Variants in ABCB4 observed in about 807,000 individuals in gnomAD.
The protein encoded by ABCB4 is ATP binding cassette subfamily B member 4.
Under a neutral mutation model 145.7 loss-of-function variants are expected in ABCB4, and 76 were observed. That is an observed-to-expected ratio of 0.52 (90% CI 0.43 to 0.63). The LOEUF (loss-of-function observed/expected upper bound fraction) is 0.63, where lower values mean the gene tolerates loss of function less well. ABCB4 is among the 30% of genes least tolerant of loss of function. The probability of loss-of-function intolerance (pLI) is 0.00; values close to 1 mark genes in which losing one functional copy is unlikely to be tolerated. For missense variants in ABCB4, 1,234 were observed against 1,553.1 expected (o/e 0.79, Z 3.45); for synonymous variants, 517 against 566.8 (o/e 0.91, Z 1.25).
chr7:87,413,945 G>A (rs1808798760), intron 21 of ABCB4, among the ~76,000 whole-genome samples: 1 of 152,194 alleles, frequency 6.6e-6, no homozygotes, highest in African/African-American at 2.4e-5. Context: ...GCTCAGGAAG[G>A]CTGATCAGCT....
At chr7:87,463,544 G>A (rs944424274) in intron 3 of ABCB4, among the ~76,000 whole-genome samples, 1 of 152,194 alleles carries the variant, frequency 6.6e-6, no homozygotes, top group Admixed American at 6.5e-5. Flanking sequence ...ACCTTGAAGG[G>A]TAAGAGGGAG....
At chr7:87,472,231 G>A (rs529933274) in intron 3 of ABCB4, among the ~76,000 whole-genome samples, 35 of 152,186 alleles carry the variant, frequency 2.3e-4, no homozygotes, top group Non-Finnish European at 4.3e-4. Context: ...TGTTGTCGTT[G>A]TTTTTGAGAC....
chr7:87,376,765 A>C, the ABCB4 span, among the ~76,000 whole-genome samples: 1 of 152,046 alleles, frequency 6.6e-6, no homozygotes, highest in East Asian at 1.9e-4. Flanking sequence ...CTATATATAC[A>C]TGTGTATATG....
At chr7:87,421,933 GTAATA>G (rs924018574) in intron 18 of ABCB4, among the ~76,000 whole-genome samples, 183 bp downstream of exon 18, 19 of 152,286 alleles carry the variant, frequency 1.2e-4, no homozygotes, top group African/African-American at 4.3e-4. Flanking sequence ...AACTTGTAAT[GTAATA>G]TAAGTTAGGA....
At chr7:87,372,844 C>A in the ABCB4 span, among the ~76,000 whole-genome samples, 3 of 152,064 alleles carry the variant, frequency 2.0e-5, no homozygotes, top group Non-Finnish European at 4.4e-5. Context: ...ATTTTATTAA[C>A]TATTCATCAG....
At chr7:87,457,384 T>C (rs1812168160) in intron 4 of ABCB4, among the ~76,000 whole-genome samples, 1 of 152,168 alleles carries the variant, frequency 6.6e-6, no homozygotes, top group Admixed American at 6.5e-5. Context: ...CACTCTAGCC[T>C]GGGCAACAGA....
At chr7:87,455,305 T>A (rs1332126527) in intron 4 of ABCB4, among the ~76,000 whole-genome samples, 1 of 152,230 alleles carries the variant, frequency 6.6e-6, no homozygotes, top group Non-Finnish European at 1.5e-5. Flanking sequence ...GCTAATTTGA[T>A]AAAATGTCAA....
At chr7:87,452,234 G>A (rs1042239737) in intron 6 of ABCB4, 2 of 250,908 alleles carry the variant, frequency 8.0e-6, no homozygotes, top group Admixed American at 1.0e-4. Flanking sequence ...CAACACAGCA[G>A]CCAGTGGGAT....
chr7:87,390,059 C>A, the ABCB4 span, among the ~76,000 whole-genome samples: 1 of 152,066 alleles, frequency 6.6e-6, no homozygotes, highest in African/African-American at 2.4e-5. Flanking sequence ...GGTCATTTAT[C>A]CTGTAGAGTT....
At chr7:87,371,470 G>C in the ABCB4 span, among the ~76,000 whole-genome samples, 8 of 152,034 alleles carry the variant, frequency 5.3e-5, no homozygotes, top group Non-Finnish European at 1.2e-4. Context: ...TCCATTTGTT[G>C]CTATAACAAA....
At chr7:87,404,442 G>T (rs1198246364) in intron 26 of ABCB4, among the ~76,000 whole-genome samples, 2 of 151,986 alleles carry the variant, frequency 1.3e-5, no homozygotes, top group African/African-American at 4.8e-5. Context: ...AAATATTTTG[G>T]GCCTAGGGCT....
chr7:87,409,135 G>T, intron 24 of ABCB4, 101 bp downstream of exon 24: 1 of 1,352,098 alleles, frequency 7.4e-7, no homozygotes. Context: ...TGAAACACAT[G>T]TTGGTGTAAT....
chr7:87,368,617 C>T, the ABCB4 span, among the ~76,000 whole-genome samples: 2 of 152,174 alleles, frequency 1.3e-5, no homozygotes, highest in African/African-American at 2.4e-5. Context: ...AATACTGACC[C>T]GTAAATAATA....
intron 3 of ABCB4, 32 bp downstream of exon 3, chr7:87,472,589 G>C: frequency 6.5e-7 from 1 of 1,535,420 alleles, no homozygotes; most frequent in Non-Finnish European, 9.0e-7. Context: ...ATAAAAGGTA[G>C]GATTATTCAC....
chr7:87,398,912 A>T (rs1453317000), downstream of ABCB4: 1 of 338,776 alleles, frequency 3.0e-6, no homozygotes, highest in Non-Finnish European at 5.4e-6. Context: ...TTAAGCCTCA[A>T]CAATCCAAAT....
At chr7:87,393,181 C>T in the ABCB4 span, 4 of 1,150,236 alleles carry the variant, frequency 3.5e-6, no homozygotes, top group African/African-American at 4.7e-5. Context: ...TCACTTGCTA[C>T]ATAAGTAACT....
In ABCB4 at chr7:87,408,040, T is replaced by C; in HGVS notation, c.3276A>G (p.Thr1092=). The C allele has an allele frequency of 1.9e-6, 3 of 1,613,658 alleles. No homozygotes were observed. The highest frequency in any genetic ancestry group is 2.5e-6 in the Non-Finnish European group (3 of 1,180,024). ...AGTTATAAGGAAATGTGCTCACCAC[T>C]GTCCCCGCCAAGGGGTCGTAGAACC... is the stretch of plus-strand genomic sequence containing the variant. ...LERFYDPLAG[T]VLLDGQEAKK... The change falls in exon 25 of 28, where the codon ACA becomes ACG. Residue 1092 remains threonine (T), a synonymous_variant. Coordinates refer to ENST00000649586, the MANE Select transcript of ABCB4 (RefSeq NM_000443.4).
the ABCB4 span, among the ~76,000 whole-genome samples, chr7:87,387,192 T>C: frequency 6.6e-6 from 1 of 152,054 alleles, no homozygotes; most frequent in Non-Finnish European, 1.5e-5. Context: ...TTTGGTTTTC[T>C]GTGGGGAAGA....
the ABCB4 span, among the ~76,000 whole-genome samples, chr7:87,394,620 C>A: frequency 6.6e-6 from 1 of 150,996 alleles, no homozygotes; most frequent in Admixed American, 6.6e-5. Flanking sequence ...AAAACTTTGC[C>A]GTTTGCAAAA....
Sources: gnomAD v4.1 joint callset for allele counts (sites outside exome capture counted in the v4.1 genomes callset) on GRCh38, gnomAD v4.1.1 for gene constraint, MANE v1.5 for transcripts, NCBI Gene and HGNC (gene_info 2026-07-23, HGNC 2026-07-21) for gene names.